CACNA1H: variants seen among roughly 807,000 people sequenced by gnomAD.
CACNA1H encodes voltage-dependent T-type calcium channel subunit alpha-1H.
CACNA1H carries 149 observed loss-of-function variants against 192.5 expected under a neutral mutation model. The ratio of observed to expected loss-of-function variants is 0.77; its 90% CI spans 0.68 to 0.89. The LOEUF (loss-of-function observed/expected upper bound fraction) is 0.89. CACNA1H is among the 40% of genes least tolerant of loss of function. The pLI, the probability that CACNA1H is intolerant of heterozygous loss-of-function variation, is 0.00. For synonymous variants in CACNA1H, 2,202 were observed against 1,475.2 expected, an observed-to-expected ratio of 1.49 and a Z score of -11.29; for missense variants, 4,257 against 3,423.5, an observed-to-expected ratio of 1.24 and a Z score of -6.08.
chr16:1,202,656 G>A (rs934501661), intron 9 of CACNA1H, among the ~76,000 whole-genome samples: 26 of 152,158 alleles, frequency 1.7e-4, no homozygotes, highest in Non-Finnish European at 2.6e-4. Context: ...GCAAGCTCCC[G>A]GTGGCCCACA....
At position 1,216,417 on chromosome 16, in the gene CACNA1H, G is replaced by T. The variant is rs1970031698; in HGVS notation, c.5245-515G>T. 3.9e-5 allele frequency among the ~76,000 whole-genome samples: 6 copies of T among 151,922 alleles called. No individual in the cohort carries two copies. In the South Asian group the frequency reaches 1.2e-3, roughly 31 times the overall value. On this transcript the variant is annotated intron_variant, in intron 30 of 34. Coordinates refer to ENST00000348261, the MANE Select transcript of CACNA1H (RefSeq NM_021098.3). ...GGTGCGCCGCCCAGCGGGGCAGTGT[G>T]TGCAAATGCTGGGGCTGGTGGGTGG...
chr16:1,221,303 C>A lies in CACNA1H; in HGVS notation c.*309C>A. 1 of 404,064 alleles carries A rather than the reference C, an allele frequency of 2.5e-6. No individual in the cohort carries two copies. Among genetic ancestry groups the A allele is most frequent in the Non-Finnish European group, 4.4e-6 (1 of 227,548 alleles). 25.0% of individuals were successfully genotyped at this position (404,064 alleles called of 1,614,324 possible). ...GTCTGTGGGACGAAGACCGGGCACC[C>A]GCCAGAGAGGGGAAGGTACCAGGTT... On this transcript the variant is annotated 3_prime_UTR_variant, in exon 35 of 35. Coordinates refer to ENST00000348261, the MANE Select transcript of CACNA1H (RefSeq NM_021098.3).
Position 1,217,061 on chromosome 16 carries a change from G to A in CACNA1H, c.5323+51G>A, listed in dbSNP as rs41292289. ...TGGCACACATGGGGTCCTGACAGGC[G>A]CCCCTGTGCCCATCCACTCACACGC... is the stretch of plus-strand genomic sequence containing the variant. On this transcript the variant is annotated intron_variant, in intron 31 of 34. Transcript: ENST00000348261. 982 of 1,436,876 alleles carry A rather than the reference G, an allele frequency of 6.8e-4. 2 individuals are homozygous for A. The highest frequency in any genetic ancestry group is 8.8e-4 in the Admixed American group (45 of 50,988). The allele number at this position is 1,436,876 out of a possible 1,614,324, so 89.0% of individuals were successfully genotyped here.
chr16:1,205,449 C>T lies in CACNA1H; in HGVS notation c.2603+184C>T, dbSNP rs572004042. 2.6e-5 allele frequency among the ~76,000 whole-genome samples: 4 copies of T among 152,308 alleles called. No homozygotes were observed. The South Asian group carries it at 8.3e-4, about 32-fold the overall frequency. ...CAAGGGACCGTCCTGGGCAGAGTCCCCTCCCCAGACGCTATGCTTCCCTGC... is the reference window on the plus strand; with the variant it reads ...CAAGGGACCGTCCTGGGCAGAGTCCTCTCCCCAGACGCTATGCTTCCCTGC... On this transcript the variant is annotated intron_variant, in intron 11 of 34. Transcript: ENST00000348261.
At chr16:1,212,271 GGGGGCTGGGCCTTGGA>G in intron 25 of CACNA1H, 133 bp downstream of exon 25, 1 of 1,350,844 alleles carries the variant, frequency 7.4e-7, no homozygotes, top group Non-Finnish European at 9.9e-7. Context: ...GGGCCTGCAT[GGGGGCTGGGCCTTGGA>G]GGGGCTGGCC....
intron 2 of CACNA1H, among the ~76,000 whole-genome samples, chr16:1,166,803 C>T (rs1161142758): frequency 1.3e-5 from 2 of 152,226 alleles, no homozygotes; most frequent in African/African-American, 4.8e-5. Context: ...TGTAGACGGG[C>T]TGCGGTGTTT....
chr16:1,160,631 A>G (rs1328859103), intron 2 of CACNA1H, among the ~76,000 whole-genome samples: 2 of 151,708 alleles, frequency 1.3e-5, no homozygotes, highest in South Asian at 2.1e-4. Flanking sequence ...CTCCGTGCAC[A>G]CTCCTCGCGG....
In CACNA1H at chr16:1,204,243, C is replaced by A; in HGVS notation, c.2236C>A (p.Pro746Thr). Residue 746 changes from proline to threonine, a missense_variant, in exon 10 of 35, where the codon CCC (proline) becomes ACC (threonine). Coordinates refer to ENST00000348261, the MANE Select transcript of CACNA1H (RefSeq NM_021098.3). ...TGACCGCTGGGACCCCACGCGACCA[C>A]CCCGTGCGACGGACACACCAGGCCC... ...HGDRWDPTRP[P>T]RATDTPGPGP... is the part of the protein sequence containing the mutation. 1 of 1,610,626 alleles carries A rather than the reference C, an allele frequency of 6.2e-7. No individual in the cohort carries two copies. The highest frequency in any genetic ancestry group is 8.5e-7 in the Non-Finnish European group (1 of 1,178,956).
At chr16:1,193,654 G>T (rs577161476) in intron 2 of CACNA1H, among the ~76,000 whole-genome samples, 1 of 152,208 alleles carries the variant, frequency 6.6e-6, no homozygotes. Context: ...CAGCAGAGGC[G>T]CCTGTTACCG....
chr16:1,202,589 G>T (rs370104354), intron 9 of CACNA1H, 137 bp downstream of exon 9: 4 of 785,226 alleles, frequency 5.1e-6, no homozygotes, highest in Admixed American at 3.3e-5. Context: ...GACCAGCTAT[G>T]CCTCTGGAGC....
At chr16:1,205,857 C>G (rs949872974) in intron 11 of CACNA1H, among the ~76,000 whole-genome samples, 14 of 152,210 alleles carry the variant, frequency 9.2e-5, no homozygotes, top group African/African-American at 3.4e-4. Context: ...CCTGCCCTGG[C>G]CAGAGCCAGG....
In CACNA1H at chr16:1,155,228, T is replaced by TC. The variant is rs373256095; in HGVS notation, c.299+1195dup. Among the ~76,000 whole-genome samples the TC allele has an allele frequency of 2.8e-3, 419 of 152,296 alleles. 3 individuals carry two copies. The highest frequency in any genetic ancestry group is 9.8e-3 in the African/African-American group (408 of 41,562). On this transcript the variant is annotated intron_variant, in intron 2 of 34. Coordinates refer to ENST00000348261, the MANE Select transcript of CACNA1H (RefSeq NM_021098.3). ...GTAGAGGAAGAGGAGGCTGCTGTGG[T>TC]CCCGGGGGCAGCCGGCCCCGGCCAG...
In CACNA1H at chr16:1,212,561, G is replaced by A. The variant is rs200181705; in HGVS notation, c.4777+33G>A. On this transcript the variant is annotated intron_variant, in intron 26 of 34. Transcript: ENST00000348261. ...CCCTGTCCCGCATGCCTCAGGCCCCGCTTCTGCGGCCGCTGCTCGGGGAAG... is the reference window on the plus strand; with the variant it reads ...CCCTGTCCCGCATGCCTCAGGCCCCACTTCTGCGGCCGCTGCTCGGGGAAG... The A allele has an allele frequency of 2.2e-4, 359 of 1,602,356 alleles. No individual in the cohort carries two copies. In the African/African-American group the frequency reaches 4.2e-3, roughly 19 times the overall value.
intron 17 of CACNA1H, among the ~76,000 whole-genome samples, chr16:1,209,695 G>A (rs967407135): frequency 6.6e-6 from 1 of 152,208 alleles, no homozygotes; most frequent in Non-Finnish European, 1.5e-5. Context: ...GCCACTGGCC[G>A]AGAGCTGCTG....
At chr16:1,189,183 C>T (rs72775434) in intron 2 of CACNA1H, among the ~76,000 whole-genome samples, 222 of 151,714 alleles carry the variant, frequency 1.5e-3, no homozygotes, top group Non-Finnish European at 2.5e-3. Context: ...GTTCTCCTCC[C>T]GGAGACTGAG....
At chr16:1,194,062 TGA>T (rs1966837824) in intron 2 of CACNA1H, among the ~76,000 whole-genome samples, 1 of 149,336 alleles carries the variant, frequency 6.7e-6, no homozygotes, top group Admixed American at 6.6e-5. Flanking sequence ...CTGCCAGGGG[TGA>T]GGGGGAGCCG....
At chr16:1,156,926 C>T (rs61664697) in intron 2 of CACNA1H, 101 of 152,358 alleles carry the variant, frequency 6.6e-4, no homozygotes, top group African/African-American at 2.3e-3. Context: ...CAAGGACGCC[C>T]TTATCCTTAT....
intron 2 of CACNA1H, among the ~76,000 whole-genome samples, chr16:1,184,572 G>T (rs114421942): frequency 1.3e-5 from 2 of 152,234 alleles, no homozygotes; most frequent in Admixed American, 1.3e-4. Context: ...CTGCCCTCTC[G>T]TAGGCATCCA....
At position 1,196,022 on chromosome 16, in the gene CACNA1H, T is replaced by A; in HGVS notation, c.642T>A (p.Pro214=). The change falls in exon 5 of 35, where the codon CCT becomes CCA. Residue 214 remains proline (P), a splice_region_variant and synonymous_variant. Coordinates refer to ENST00000348261, the MANE Select transcript of CACNA1H (RefSeq NM_021098.3). ...CCCTCCGCGCCATCAACCGCGTGCCTAGTAAGTGACCGGCCCCGACTGGGC... is the reference window on the plus strand; with the variant it reads ...CCCTCCGCGCCATCAACCGCGTGCCAAGTAAGTGACCGGCCCCGACTGGGC... The part of the protein sequence containing the change: ...LRPLRAINRV[P]SMRILVTLLL... The A allele has an allele frequency of 6.2e-7, 1 of 1,611,674 alleles. No individual in the cohort carries two copies. The highest frequency in any genetic ancestry group is 8.5e-7 in the Non-Finnish European group (1 of 1,178,738).
Sources: gnomAD v4.1 joint callset for allele counts (sites outside exome capture counted in the v4.1 genomes callset) on GRCh38, gnomAD v4.1.1 for gene constraint, MANE v1.5 for transcripts, NCBI Gene and HGNC (gene_info 2026-07-23, HGNC 2026-07-21) for gene names.